Variants in ZNF280D observed in about 807,000 individuals in gnomAD.
The protein encoded by ZNF280D is suppressor of hairy wing homolog 4.
In ZNF280D, 39 loss-of-function variants were observed where a neutral mutation model predicts 94.7. The observed-to-expected ratio is 0.41, with a 90% CI of 0.32 to 0.54. The LOEUF is 0.54. ZNF280D is among the 20% of genes least tolerant of loss of function. The pLI is 0.22. For synonymous variants in ZNF280D, 398 were observed against 377.6 expected, an observed-to-expected ratio of 1.05 and a Z score of -0.63; for missense variants, 1,090 against 1,149.3, an observed-to-expected ratio of 0.95 and a Z score of 0.75.
intron 16 of ZNF280D, among the ~76,000 whole-genome samples, chr15:56,662,917 G>A (rs1464980469): frequency 5.3e-5 from 8 of 150,470 alleles, no homozygotes; most frequent in African/African-American, 1.7e-4. Context: ...CTTGAAAAAA[G>A]AAGGTAAACT....
At chr15:56,685,341 A>AAATC (rs2055926870) in intron 9 of ZNF280D, among the ~76,000 whole-genome samples, 1 of 150,324 alleles carries the variant, frequency 6.7e-6, no homozygotes, top group Non-Finnish European at 1.5e-5. Flanking sequence ...CATAAGGTAA[A>AAATC]AAAACAAAAC....
chr15:56,692,668 CT>C (rs1305060404), intron 7 of ZNF280D, among the ~76,000 whole-genome samples: 2 of 151,992 alleles, frequency 1.3e-5, no homozygotes, highest in Non-Finnish European at 2.9e-5. Context: ...TCATATTGAA[CT>C]ATCACGCTGA....
At chr15:56,700,604 C>A in intron 6 of ZNF280D, 1 of 1,180,628 alleles carries the variant, frequency 8.5e-7, no homozygotes, top group Non-Finnish European at 1.0e-6. Flanking sequence ...ATTAAGAATA[C>A]CTGGTCCCGT....
chr15:56,682,601 T>C, intron 9 of ZNF280D, 124 bp from the exon 10 acceptor site: 1 of 591,700 alleles, frequency 1.7e-6, no homozygotes, highest in Non-Finnish European at 2.7e-6. Context: ...GTAATATATC[T>C]AGAAAAATAG....
chr15:56,703,277 C>T lies in ZNF280D; in HGVS notation c.175+844G>A, dbSNP rs578007738. ...ATCCAAGTACAGTGGCTGTAGACAGCGCCATTCTCTTTCATGAATATAAAA... is the reference window on the plus strand; with the variant it reads ...ATCCAAGTACAGTGGCTGTAGACAGTGCCATTCTCTTTCATGAATATAAAA... On this transcript the variant is annotated intron_variant, in intron 4 of 21. Transcript: ENST00000267807. Among the ~76,000 whole-genome samples, 45 of 152,230 alleles carry T rather than the reference C, an allele frequency of 3.0e-4. No homozygotes were observed. In the South Asian group the frequency reaches 8.9e-3, roughly 30 times the overall value.
At chr15:56,705,768 T>G (rs1366826958) in intron 3 of ZNF280D, among the ~76,000 whole-genome samples, 1 of 150,818 alleles carries the variant, frequency 6.6e-6, no homozygotes, top group Non-Finnish European at 1.5e-5. Context: ...AAACTGCTAT[T>G]TTTTCATGTG....
intron 19 of ZNF280D, among the ~76,000 whole-genome samples, chr15:56,648,133 C>G (rs918071223): frequency 2.0e-5 from 3 of 152,100 alleles, no homozygotes; most frequent in African/African-American, 7.2e-5. Context: ...TCCTGTGAAC[C>G]AGGCTCCCTT....
chr15:56,729,541 A>G (rs2058785882), intron 1 of ZNF280D, among the ~76,000 whole-genome samples: 1 of 152,236 alleles, frequency 6.6e-6, no homozygotes, highest in South Asian at 2.1e-4. Context: ...CTGTATTACA[A>G]AAAGACTACA....
chr15:56,697,316 C>G (rs1475169750), intron 6 of ZNF280D, among the ~76,000 whole-genome samples: 2 of 152,066 alleles, frequency 1.3e-5, no homozygotes, highest in African/African-American at 2.4e-5. Context: ...TCCCAAGTAG[C>G]TGGGATTACA....
At position 56,657,934 on chromosome 15, in the gene ZNF280D, G is replaced by A. The variant is rs370801313; in HGVS notation, c.2057+490C>T. On this transcript the variant is annotated intron_variant, in intron 17 of 21. Transcript: ENST00000267807. Reference sequence around the variant, plus strand: ...AACATGCACACACATGTTCACAGTAGTATTATTCATAAGGGCCTCAAAATG... The same window carrying A: ...AACATGCACACACATGTTCACAGTAATATTATTCATAAGGGCCTCAAAATG... 3.1e-4 allele frequency among the ~76,000 whole-genome samples: 47 copies of A among 152,158 alleles called. No homozygotes were observed. In the South Asian group the frequency reaches 7.9e-3, roughly 25 times the overall value.
intron 7 of ZNF280D, 150 bp downstream of exon 7, chr15:56,692,948 A>G: frequency 4.3e-6 from 2 of 468,446 alleles, no homozygotes; most frequent in Non-Finnish European, 7.8e-6. Flanking sequence ...AATTACCCAC[A>G]TAAGGTATTC....
At chr15:56,674,056 G>A (rs939800635) in intron 13 of ZNF280D, among the ~76,000 whole-genome samples, 11 of 151,970 alleles carry the variant, frequency 7.2e-5, no homozygotes, top group Admixed American at 5.3e-4. Context: ...CACAAACTTG[G>A]TTTTGTTCAA....
intron 6 of ZNF280D, among the ~76,000 whole-genome samples, chr15:56,694,840 GGTTAAT>G (rs2056651043): frequency 6.6e-6 from 1 of 152,110 alleles, no homozygotes; most frequent in Admixed American, 6.6e-5. Context: ...TCTATAGTTG[GGTTAAT>G]GTTAATTACC....
At chr15:56,685,866 AT>A (rs1405431310) in intron 9 of ZNF280D, among the ~76,000 whole-genome samples, 1 of 152,230 alleles carries the variant, frequency 6.6e-6, no homozygotes, top group Non-Finnish European at 1.5e-5. Context: ...AATCTATCAT[AT>A]TGGTAAATCT....
intron 19 of ZNF280D, among the ~76,000 whole-genome samples, chr15:56,652,070 T>C (rs2053240684): frequency 6.6e-6 from 1 of 150,808 alleles, no homozygotes; most frequent in South Asian, 2.1e-4. Flanking sequence ...AGTATATCAC[T>C]AAGTCCACTA....
intron 1 of ZNF280D, among the ~76,000 whole-genome samples, chr15:56,721,226 C>T (rs2058343319): frequency 6.6e-6 from 1 of 152,172 alleles, no homozygotes; most frequent in African/African-American, 2.4e-5. Flanking sequence ...CCATCTCCAC[C>T]TCCCAAAGTG....
At chr15:56,672,229 G>A (rs1225466402) in intron 13 of ZNF280D, among the ~76,000 whole-genome samples, 1 of 152,114 alleles carries the variant, frequency 6.6e-6, no homozygotes. Flanking sequence ...GAATAGGAGT[G>A]GTGAGAGAGG....
At chr15:56,669,203 A>G (rs1440170182) in intron 13 of ZNF280D, among the ~76,000 whole-genome samples, 1 of 152,002 alleles carries the variant, frequency 6.6e-6, no homozygotes, top group Non-Finnish European at 1.5e-5. Flanking sequence ...GGTTCTAATA[A>G]AACTTCTATT....
chr15:56,675,195 T>C (rs1030542016), intron 13 of ZNF280D, among the ~76,000 whole-genome samples: 2 of 151,936 alleles, frequency 1.3e-5, no homozygotes, highest in Admixed American at 6.6e-5. Context: ...CACAGGCACA[T>C]AGCAGGTCCC....
Sources: gnomAD v4.1 joint callset for allele counts (sites outside exome capture counted in the v4.1 genomes callset) on GRCh38, gnomAD v4.1.1 for gene constraint, MANE v1.5 for transcripts, NCBI Gene and HGNC (gene_info 2026-07-23, HGNC 2026-07-21) for gene names.